Variants in NTM observed in about 807,000 individuals in gnomAD.
NTM encodes the protein IgLON family member 2.
Under a neutral mutation model 42.1 loss-of-function variants are expected in NTM, and 13 were observed. The ratio of observed to expected loss-of-function variants is 0.31; its 90% confidence interval spans 0.20 to 0.49. NTM has a LOEUF of 0.49. NTM is among the 20% of genes least tolerant of loss of function. The pLI is 0.99. For missense variants in NTM, 373 were observed against 452.8 expected (o/e 0.82, Z 1.60); for synonymous variants, 187 against 179.2 (o/e 1.04, Z -0.35).
intron 1 of NTM, among the ~76,000 whole-genome samples, chr11:131,372,458 G>A (rs76680538): frequency 9.8e-4 from 149 of 152,182 alleles, no homozygotes; most frequent in African/African-American, 3.4e-3. Context: ...GTGTGTGTGT[G>A]CGTGCGTGTG....
At chr11:132,069,927 A>G (rs1229849029) in intron 2 of NTM, among the ~76,000 whole-genome samples, 2 of 146,768 alleles carry the variant, frequency 1.4e-5, no homozygotes, top group South Asian at 4.2e-4. Flanking sequence ...CGTCAAACTG[A>G]CCATCACAGG....
At position 131,618,504 on chromosome 11, in the gene NTM, T is replaced by A. The variant is rs2062181618; in HGVS notation, c.82+247616T>A. Among the ~76,000 whole-genome samples the A allele has an allele frequency of 2.6e-5, 4 of 152,128 alleles. No individual in the cohort carries two copies. In the South Asian group the frequency reaches 6.2e-4, roughly 24 times the overall value. On this transcript the variant is annotated intron_variant, in intron 1 of 8. Coordinates refer to ENST00000683400, the MANE Select transcript of NTM (RefSeq NM_001352005.2). ...TGACATGCTATCCGAATTAAATTAG[T>A]TCAGTATTGCTTGGGGCTCCTATTT...
rs149832835 is a variant in NTM at position 132,025,113 on chromosome 11, G to C, written c.167+113465G>C. Among the ~76,000 whole-genome samples, 65 of 152,306 alleles carry C rather than the reference G, an allele frequency of 4.3e-4. 1 individual carries two copies. The East Asian group carries it at 0.012, about 28-fold the overall frequency. On this transcript the variant is annotated intron_variant, in intron 2 of 8. Coordinates refer to ENST00000683400, the MANE Select transcript of NTM (RefSeq NM_001352005.2). ...GATTCAGCTACAGAGGGGAGAGAGA[G>C]AGGCTAGAAGGCTGAGCAGTGGGGT...
At chr11:132,091,275 G>A (rs950294750) in intron 2 of NTM, among the ~76,000 whole-genome samples, 2 of 151,976 alleles carry the variant, frequency 1.3e-5, no homozygotes, top group South Asian at 2.1e-4. Context: ...GGGCATAGTG[G>A]CACATGACTG....
chr11:131,492,955 T>G (rs1215956454), intron 1 of NTM, among the ~76,000 whole-genome samples: 1 of 152,156 alleles, frequency 6.6e-6, no homozygotes, highest in Non-Finnish European at 1.5e-5. Context: ...TGGTGGCTCA[T>G]GCCTGTAGTC....
intron 2 of NTM, among the ~76,000 whole-genome samples, chr11:132,019,315 C>T (rs192643776): frequency 3.8e-4 from 57 of 151,882 alleles, no homozygotes; most frequent in Non-Finnish European, 1.6e-4. Flanking sequence ...CCTTAAGCAC[C>T]GATTTAACTG....
In NTM at chr11:132,232,757, G is replaced by T. The variant is rs535263556; in HGVS notation, c.526+20610G>T. ...TTGTATTAATTATGCATATTCTTTT[G>T]GGCAGTGCCAAGAAAATAAAAAAGG... On this transcript the variant is annotated intron_variant, in intron 4 of 8. Transcript: ENST00000683400. Among the ~76,000 whole-genome samples, 648 of 152,228 alleles carry T rather than the reference G, an allele frequency of 4.3e-3. 3 individuals are homozygous for T. The highest frequency in any genetic ancestry group is 6.4e-3 in the Non-Finnish European group (437 of 68,024).
intron 1 of NTM, among the ~76,000 whole-genome samples, chr11:131,857,817 C>T: frequency 6.6e-6 from 1 of 152,314 alleles, no homozygotes; most frequent in Non-Finnish European, 1.5e-5. Context: ...CACCTCCAAT[C>T]ATCCTCCCTG....
rs893532058 is a variant in NTM, at chr11:131,911,250, C to A, written c.83-314C>A. ...CAGCGAGGAGGGAGCCCCCTTTGGC[C>A]GTCCTCCGTGGAACCGGTTTTCCGA... On this transcript the variant is annotated intron_variant, in intron 1 of 8. Coordinates refer to ENST00000683400, the MANE Select transcript of NTM (RefSeq NM_001352005.2). The A allele has an allele frequency of 3.2e-5, 46 of 1,417,094 alleles. No homozygotes were observed. The African/African-American group carries it at 6.2e-4, about 19-fold the overall frequency. The allele number at this position is 1,417,094 out of a possible 1,614,324, so 87.8% of individuals were successfully genotyped here. A position where few individuals can be genotyped will look rare whatever the true frequency, so the allele number is the denominator to read the frequency against.
chr11:131,414,760 A>C (rs1591602271), intron 1 of NTM, among the ~76,000 whole-genome samples: 1 of 152,168 alleles, frequency 6.6e-6, no homozygotes, highest in South Asian at 2.1e-4. Flanking sequence ...CAGCCTGCCT[A>C]TTTCTTCATT....
At chr11:131,756,223 G>A (rs1288511256) in intron 1 of NTM, among the ~76,000 whole-genome samples, 1 of 152,160 alleles carries the variant, frequency 6.6e-6, no homozygotes, top group African/African-American at 2.4e-5. Context: ...GGAAAAGAAA[G>A]GAGGCACAGA....
intron 7 of NTM, among the ~76,000 whole-genome samples, chr11:132,323,194 G>A (rs1433349992): frequency 2.7e-5 from 4 of 148,486 alleles, no homozygotes; most frequent in Middle Eastern, 3.5e-3. Context: ...CAGAACTGAA[G>A]GAAATAGAGA....
intron 1 of NTM, among the ~76,000 whole-genome samples, chr11:131,619,398 G>A (rs1345116019): frequency 6.6e-6 from 1 of 152,174 alleles, no homozygotes. Context: ...TATATCTCTA[G>A]TAACACTGAG....
At chr11:132,330,742 A>T (rs2095788024) in intron 8 of NTM, among the ~76,000 whole-genome samples, 1 of 151,986 alleles carries the variant, frequency 6.6e-6, no homozygotes, top group African/African-American at 2.4e-5. Context: ...GTTCTCTGGG[A>T]CCCTAACTGT....
At position 131,924,969 on chromosome 11, in the gene NTM, G is replaced by C. The variant is rs2057748291; in HGVS notation, c.167+13321G>C. 6.6e-5 allele frequency among the ~76,000 whole-genome samples: 10 copies of C among 152,328 alleles called. No individual in the cohort carries two copies. In the South Asian group the frequency reaches 2.1e-3, roughly 32 times the overall value. On this transcript the variant is annotated intron_variant, in intron 2 of 8. Transcript: ENST00000683400. ...CTTTTGGTGATTTTTGCATGTGTCTGAAAGTGAGAACCATGGCCTTTTCAA... is the reference window on the plus strand; with the variant it reads ...CTTTTGGTGATTTTTGCATGTGTCTCAAAGTGAGAACCATGGCCTTTTCAA...
intron 1 of NTM, among the ~76,000 whole-genome samples, chr11:131,551,644 A>G (rs2054683598): frequency 6.6e-6 from 1 of 152,166 alleles, no homozygotes; most frequent in Non-Finnish European, 1.5e-5. Flanking sequence ...ATGTTCAAGC[A>G]TCCTTTACCC....
intron 1 of NTM, among the ~76,000 whole-genome samples, chr11:131,518,344 G>C (rs1180134971): frequency 6.6e-6 from 1 of 152,150 alleles, no homozygotes; most frequent in Admixed American, 6.5e-5. Context: ...TCTCCTTGCT[G>C]TTTCTCAGAG....
intron 2 of NTM, among the ~76,000 whole-genome samples, chr11:132,127,422 C>T (rs1025316040): frequency 1.3e-5 from 2 of 152,244 alleles, no homozygotes; most frequent in Non-Finnish European, 2.9e-5. Context: ...GGATTCCAGG[C>T]AGTCTTGGCG....
chr11:132,320,609 G>A (rs982400354), intron 7 of NTM, among the ~76,000 whole-genome samples: 14 of 152,188 alleles, frequency 9.2e-5, no homozygotes, highest in East Asian at 1.9e-4. Flanking sequence ...AGGGGTGCCC[G>A]CCATTGCCCA....
Sources: allele counts gnomAD v4.1 joint callset (sites outside exome capture counted in the v4.1 genomes callset), GRCh38; gene constraint gnomAD v4.1.1; transcripts MANE v1.5; gene names NCBI Gene and HGNC (gene_info 2026-07-23, HGNC 2026-07-21).